Variants in LUC7L2 observed in about 807,000 individuals in gnomAD.
The protein encoded by LUC7L2 is putative RNA-binding protein Luc7-like 2.
LUC7L2 carries 25 observed loss-of-function variants against 52.8 expected under a neutral mutation model. That is an observed-to-expected ratio of 0.47 (90% CI 0.34 to 0.66). The LOEUF (loss-of-function observed/expected upper bound fraction) is 0.66. Among genes scored for constraint, LUC7L2 ranks in the 30% least tolerant of loss-of-function variants. The pLI is 0.01. For missense variants in LUC7L2, 328 were observed against 497.8 expected, an observed-to-expected ratio of 0.66 and a Z score of 3.25; for synonymous variants, 144 against 160.9, an observed-to-expected ratio of 0.89 and a Z score of 0.80.
At chr7:139,383,975 C>G (rs1228841754) in intron 2 of LUC7L2, among the ~76,000 whole-genome samples, 4 of 146,296 alleles carry the variant, frequency 2.7e-5, no homozygotes, top group African/African-American at 1.1e-4. Flanking sequence ...GTTTCGAACT[C>G]CTGACCTGAA....
intron 2 of LUC7L2, among the ~76,000 whole-genome samples, chr7:139,385,253 CCTGCAG>C (rs989001470): frequency 3.2e-4 from 48 of 151,448 alleles, no homozygotes; most frequent in African/African-American, 1.1e-3. Context: ...ATATATTCCC[CCTGCAG>C]CTTTTTTTTG....
rs1167320083 is a variant in LUC7L2, at chr7:139,423,005, G to T, written c.*665G>T. 1.5e-5 allele frequency: 6 copies of T among 398,502 alleles called. No homozygotes were observed. In the Admixed American group the frequency reaches 2.6e-4, roughly 18 times the overall value. The allele number at this position is 398,502 out of a possible 1,614,324, so 24.7% of individuals were successfully genotyped here. ...TCAAACGTCTTGATTTTTCTGTTCT[G>T]TTGAATTGCTATGTTCAGGATGTTC... On this transcript the variant is annotated 3_prime_UTR_variant, in exon 10 of 10. Coordinates refer to ENST00000354926, the MANE Select transcript of LUC7L2 (RefSeq NM_016019.5).
At chr7:139,383,451 G>A (rs1203405319) in intron 2 of LUC7L2, among the ~76,000 whole-genome samples, 1 of 151,376 alleles carries the variant, frequency 6.6e-6, no homozygotes, top group Non-Finnish European at 1.5e-5. Flanking sequence ...TGCTCTTGTT[G>A]CCCAAGCTGG....
Position 139,417,618 on chromosome 7 carries a change from G to A in LUC7L2, c.890G>A (p.Arg297Gln), listed in dbSNP as rs774057231. 50 of 1,614,002 alleles carry A rather than the reference G, an allele frequency of 3.1e-5. No individual in the cohort carries two copies. Among genetic ancestry groups the A allele is most frequent in the Non-Finnish European group, 2.4e-5 (28 of 1,180,036 alleles). The part of the protein sequence containing the change: ...ERKRRTRSKS[R>Q]EKRHRHRSRS... ...AAGAGGAGAACTCGATCCAAATCTC[G>A]GGAGAAACGCCATCGCCACAGGTCC... Residue 297 changes from arginine to glutamine, a missense_variant, in exon 9 of 10, where the codon CGG becomes CAG. Physicochemically the swap from Arg to Gln is conservative, Grantham distance 43 (BLOSUM62 1). Transcript: ENST00000354926.
chr7:139,399,966 C>T (rs58682779), intron 3 of LUC7L2, among the ~76,000 whole-genome samples: 24,980 of 151,968 alleles, frequency 0.16, 2,150 homozygotes, highest in Middle Eastern at 0.27. Flanking sequence ...ATCTTTGATA[C>T]ATTTTATAAG....
rs1426091718 is a variant in LUC7L2 at position 139,422,802 on chromosome 7, C to T, written c.*462C>T. On this transcript the variant is annotated 3_prime_UTR_variant, in exon 10 of 10. Coordinates refer to ENST00000354926, the MANE Select transcript of LUC7L2 (RefSeq NM_016019.5). ...GCAGGGAAGCAATATAGCTTCCATT[C>T]TAAGGCTGTATTCCCGTTATGAATT... 1.0e-5 allele frequency: 4 copies of T among 399,582 alleles called. No individual in the cohort carries two copies. The highest frequency in any genetic ancestry group is 2.5e-4 in the South Asian group (2 of 7,900). 24.8% of individuals were successfully genotyped at this position (399,582 alleles called of 1,614,324 possible).
chr7:139,351,898 C>T (rs916136948), intron 1 of LUC7L2, among the ~76,000 whole-genome samples: 1 of 152,128 alleles, frequency 6.6e-6, no homozygotes, highest in African/African-American at 2.4e-5. Flanking sequence ...CTACCCTTAC[C>T]TTTTCACTCT....
chr7:139,384,857 T>C (rs929115429), intron 2 of LUC7L2, among the ~76,000 whole-genome samples: 2 of 152,118 alleles, frequency 1.3e-5, no homozygotes, highest in Non-Finnish European at 2.9e-5. Context: ...CTGGGCTCAG[T>C]TGATCCTTCC....
At chr7:139,359,812 G>T, upstream of LUC7L2, 1 of 402,940 alleles carries the variant, frequency 2.5e-6, no homozygotes, top group Admixed American at 4.4e-5. Flanking sequence ...AACTCCACTC[G>T]GGCGGGGCGG....
rs369386022 is a variant in LUC7L2, at chr7:139,383,859, G to C, written c.156+7703G>C. Among the ~76,000 whole-genome samples, 50 of 150,518 alleles carry C rather than the reference G, an allele frequency of 3.3e-4. 1 individual carries two copies. In the South Asian group the frequency reaches 0.01, roughly 31 times the overall value. Reference sequence around the variant, plus strand: ...GGTGATTCTCCTGCCTCAGCCTCCCGAGTAGCTGGGACTACAGGTGCCCGC... The same window carrying C: ...GGTGATTCTCCTGCCTCAGCCTCCCCAGTAGCTGGGACTACAGGTGCCCGC... On this transcript the variant is annotated intron_variant, in intron 2 of 9. Coordinates refer to ENST00000354926, the MANE Select transcript of LUC7L2 (RefSeq NM_016019.5).
intron 2 of LUC7L2, among the ~76,000 whole-genome samples, chr7:139,383,951 C>T (rs6467842): frequency 0.39 from 58,201 of 151,014 alleles, 15,681 homozygotes; most frequent in African/African-American, 0.77. Flanking sequence ...GATTTTACCA[C>T]GTTGGCCAGG....
At chr7:139,341,320 C>T in intron 1 of LUC7L2, 1 of 1,551,758 alleles carries the variant, frequency 6.4e-7, no homozygotes. Flanking sequence ...GGCGCCTGGG[C>T]CGGAGGAGGG....
intron 3 of LUC7L2, among the ~76,000 whole-genome samples, chr7:139,399,244 G>A (rs1794790688): frequency 1.3e-5 from 2 of 151,826 alleles, no homozygotes; most frequent in Admixed American, 1.3e-4. Flanking sequence ...CAGTATAACT[G>A]TTTACATAGC....
chr7:139,391,807 G>T (rs559209441), intron 2 of LUC7L2, among the ~76,000 whole-genome samples: 18 of 152,160 alleles, frequency 1.2e-4, no homozygotes, highest in African/African-American at 3.9e-4. Context: ...GGCTGGTCTC[G>T]AACTCCTGGC....
chr7:139,360,409 G>C (rs756797037), intron 1 of LUC7L2, 87 bp downstream of exon 1: 26 of 1,269,448 alleles, frequency 2.0e-5, no homozygotes, highest in African/African-American at 3.0e-5. Flanking sequence ...GGGCGCGCGC[G>C]TGTGGCTGAG....
In LUC7L2 at chr7:139,405,735, A is replaced by G. The variant is rs371332363; in HGVS notation, c.458A>G (p.Gln153Arg). 2 of 1,613,362 alleles carry G rather than the reference A, an allele frequency of 1.2e-6. No homozygotes were observed. The highest frequency in any genetic ancestry group is 1.7e-6 in the Non-Finnish European group (2 of 1,179,864). ...GCTGAAGGGAATGTGGAGGAATCCC[A>G]GAAAGTAATGGATGAAGTAGAGAAA... ...LGAEGNVEES[Q>R]KVMDEVEKAR... The change falls in exon 5 of 10, where the codon CAG becomes CGG. Residue 153 changes from glutamine (Q) to arginine (R), a missense_variant. Physicochemically the swap from Gln to Arg is conservative, Grantham distance 43 (BLOSUM62 1). Around this residue, in one of 2 missense-constraint regions of LUC7L2, gnomAD observed 133 missense variants for 274.4 expected, o/e 0.48. Transcript: ENST00000354926.
intron 4 of LUC7L2, 63 bp downstream of exon 4, chr7:139,402,310 T>C (rs1253144552): frequency 1.4e-6 from 2 of 1,419,170 alleles, no homozygotes; most frequent in Admixed American, 5.9e-5. Context: ...TTTAAGTTTT[T>C]ATTTTGAAAT....
At chr7:139,371,519 T>C (rs1800449213) in intron 1 of LUC7L2, 1 of 1,468,802 alleles carries the variant, frequency 6.8e-7, no homozygotes, top group East Asian at 2.9e-5. Flanking sequence ...AAAGTTGATT[T>C]GGTTTCTTGT....
upstream of LUC7L2, among the ~76,000 whole-genome samples, chr7:139,355,103 C>T (rs1399462584): frequency 8.4e-6 from 1 of 119,176 alleles, no homozygotes; most frequent in Non-Finnish European, 1.6e-5. Flanking sequence ...TCAAGTGATT[C>T]TCCTGCGTAG....
Sources: gnomAD v4.1 joint callset for allele counts (sites outside exome capture counted in the v4.1 genomes callset) on GRCh38, gnomAD v4.1.1 for gene constraint, gnomAD v4.1.1 regional missense constraint, MANE v1.5 for transcripts, NCBI Gene and HGNC (gene_info 2026-07-23, HGNC 2026-07-21) for gene names.